The following WDPCP variants were observed in gnomAD, a reference collection of about 807,000 sequenced individuals.
WDPCP encodes the protein WD repeat-containing and planar cell polarity effector protein fritz homolog.
In WDPCP, 71 loss-of-function variants were observed where a neutral mutation model predicts 93.1. That is an observed-to-expected ratio of 0.76 (90% CI 0.63 to 0.93). The LOEUF (loss-of-function observed/expected upper bound fraction) is 0.93. Among genes scored for constraint, WDPCP ranks in the 40% least tolerant of loss-of-function variants. WDPCP has a pLI of 0.00. For synonymous variants in WDPCP, 315 were observed against 315.0 expected, an observed-to-expected ratio of 1.00 and a Z score of 0.00; for missense variants, 844 against 887.4, an observed-to-expected ratio of 0.95 and a Z score of 0.62.
At chr2:63,463,200 C>T (rs952317788) in intron 6 of WDPCP, among the ~76,000 whole-genome samples, 8 of 151,590 alleles carry the variant, frequency 5.3e-5, no homozygotes, top group Admixed American at 2.0e-4. Context: ...ATGTTAACTG[C>T]TACTGTGTAT....
chr2:63,135,078 G>A (rs1038306694), intron 17 of WDPCP, among the ~76,000 whole-genome samples: 13 of 152,026 alleles, frequency 8.6e-5, no homozygotes, highest in African/African-American at 2.4e-4. Context: ...AGCTGAGATC[G>A]CACCACTGCA....
intron 2 of WDPCP, among the ~76,000 whole-genome samples, chr2:63,783,725 C>A (rs934907075): frequency 6.6e-6 from 1 of 152,042 alleles, no homozygotes; most frequent in Non-Finnish European, 1.5e-5. Context: ...AATGTGTACA[C>A]CTTGGCATAA....
At chr2:63,207,041 A>G (rs1389042160) in intron 14 of WDPCP, among the ~76,000 whole-genome samples, 1 of 152,022 alleles carries the variant, frequency 6.6e-6, no homozygotes, top group African/African-American at 2.4e-5. Flanking sequence ...AGTTATGACC[A>G]CTGTAGTTAC....
chr2:63,405,625 C>T (rs1032555129), intron 9 of WDPCP, among the ~76,000 whole-genome samples: 1 of 145,088 alleles, frequency 6.9e-6, no homozygotes, highest in Non-Finnish European at 1.5e-5. Flanking sequence ...CCACATATAT[C>T]GAGGGACAAC....
At chr2:63,403,203 A>G (rs1694285020) in intron 10 of WDPCP, among the ~76,000 whole-genome samples, 1 of 152,202 alleles carries the variant, frequency 6.6e-6, no homozygotes, top group South Asian at 2.1e-4. Context: ...GTTCTCACTT[A>G]TAAGTGGGAG....
At chr2:63,452,104 G>A (rs1377149105) in intron 6 of WDPCP, among the ~76,000 whole-genome samples, 5 of 152,216 alleles carry the variant, frequency 3.3e-5, no homozygotes, top group Non-Finnish European at 5.9e-5. Flanking sequence ...CAATCAGGCA[G>A]GAGAAAGAAA....
chr2:63,498,682 G>A (rs545048784), intron 1 of WDPCP, among the ~76,000 whole-genome samples: 2 of 152,332 alleles, frequency 1.3e-5, no homozygotes, highest in East Asian at 1.9e-4. Context: ...CCCGGGTAAA[G>A]TATGCTATGC....
In WDPCP at chr2:63,768,007, C is replaced by A. The variant is rs143203608; in HGVS notation, n.308+45615G>T. On this transcript the variant is annotated intron_variant and non_coding_transcript_variant, in intron 2 of 4. Coordinates refer to the WDPCP transcript ENST00000467687. ...TGCCTAGGAAAATAACAACAACAACCAAAAAGAACAAATTTAAAAACAACA... is the reference window on the plus strand; with the variant it reads ...TGCCTAGGAAAATAACAACAACAACAAAAAAGAACAAATTTAAAAACAACA... Among the ~76,000 whole-genome samples the A allele has an allele frequency of 4.1e-3, 624 of 151,350 alleles. 3 individuals are homozygous for A. The highest frequency in any genetic ancestry group is 0.014 in the African/African-American group (584 of 41,160).
chr2:63,571,689 GATGCCAGA>G (rs1447560568), intron 1 of WDPCP: 4 of 460,872 alleles, frequency 8.7e-6, no homozygotes, highest in African/African-American at 8.1e-5. Flanking sequence ...CGTATTTTAA[GATGCCAGA>G]AAAGTTTTAA....
In WDPCP at chr2:63,783,728, T is replaced by G. The variant is rs964578682; in HGVS notation, n.308+29894A>C. Reference sequence around the variant, plus strand: ...TCTGAGCTAAATAATGTGTACACCTTGGCATAAAGTGTGGAATGACAGACA... The same window carrying G: ...TCTGAGCTAAATAATGTGTACACCTGGGCATAAAGTGTGGAATGACAGACA... On this transcript the variant is annotated intron_variant and non_coding_transcript_variant, in intron 2 of 4. Transcript: ENST00000467687. Among the ~76,000 whole-genome samples the G allele has an allele frequency of 2.6e-5, 4 of 152,130 alleles. No individual in the cohort carries two copies. The South Asian group carries it at 8.3e-4, about 32-fold the overall frequency.
intron 12 of WDPCP, among the ~76,000 whole-genome samples, chr2:63,367,649 A>G (rs1322678690): frequency 1.3e-5 from 2 of 152,186 alleles, no homozygotes; most frequent in Non-Finnish European, 2.9e-5. Context: ...ATTAACATAA[A>G]TAGAAGGCCA....
chr2:63,722,337 C>G (rs372537355), intron 2 of WDPCP, among the ~76,000 whole-genome samples: 1 of 146,856 alleles, frequency 6.8e-6, no homozygotes, highest in African/African-American at 2.5e-5. Context: ...CGTCTCTGCC[C>G]GGCCGCCCAT....
intron 10 of WDPCP, among the ~76,000 whole-genome samples, chr2:63,385,087 T>A (rs1228580399): frequency 1.3e-5 from 2 of 152,090 alleles, no homozygotes; most frequent in Non-Finnish European, 2.9e-5. Flanking sequence ...ATCATTTCAA[T>A]TGCTGCAGAA....
intron 13 of WDPCP, among the ~76,000 whole-genome samples, chr2:63,263,421 A>T (rs1409254522): frequency 6.6e-6 from 1 of 152,156 alleles, no homozygotes; most frequent in African/African-American, 2.4e-5. Flanking sequence ...TTATCAAAAA[A>T]ATGGGTTTGT....
chr2:63,739,958 T>A (rs1401673524), intron 2 of WDPCP, among the ~76,000 whole-genome samples: 2 of 152,090 alleles, frequency 1.3e-5, no homozygotes, highest in East Asian at 1.9e-4. Context: ...TTAACATGGT[T>A]AATAAACATT....
At chr2:63,771,879 TA>T (rs1670231977) in intron 2 of WDPCP, among the ~76,000 whole-genome samples, 1 of 152,172 alleles carries the variant, frequency 6.6e-6, no homozygotes, top group Admixed American at 6.6e-5. Context: ...TTACTTTTGA[TA>T]TTTTTTTAAT....
At chr2:63,830,040 A>G (rs1671170538), upstream of WDPCP, among the ~76,000 whole-genome samples, 1 of 152,088 alleles carries the variant, frequency 6.6e-6, no homozygotes, top group Non-Finnish European at 1.5e-5. Context: ...GCCATGGCTT[A>G]TACAATTTTT....
At chr2:63,784,593 T>C (rs1670441524) in intron 2 of WDPCP, among the ~76,000 whole-genome samples, 1 of 151,970 alleles carries the variant, frequency 6.6e-6, no homozygotes, top group Non-Finnish European at 1.5e-5. Flanking sequence ...TGTGTGTGTG[T>C]GTGTGTGTGA....
At chr2:63,372,950 C>A (rs891182675) in intron 12 of WDPCP, among the ~76,000 whole-genome samples, 4 of 151,964 alleles carry the variant, frequency 2.6e-5, no homozygotes, top group Admixed American at 6.6e-5. Context: ...ATGGAGAAAC[C>A]CCATCTCTAC....
Sources: gnomAD v4.1 joint callset for allele counts (sites outside exome capture counted in the v4.1 genomes callset) on GRCh38, gnomAD v4.1.1 for gene constraint, MANE v1.5 for transcripts, NCBI Gene and HGNC (gene_info 2026-07-23, HGNC 2026-07-21) for gene names.